Variants in ZNF830 observed in about 807,000 individuals in gnomAD.
ZNF830 encodes coiled-coil domain containing 16.
ZNF830 carries 15 observed loss-of-function variants against 28.1 expected under a neutral mutation model. The ratio of observed to expected loss-of-function variants is 0.53; its 90% CI spans 0.36 to 0.82. ZNF830 has a LOEUF of 0.82. Among genes scored for constraint, ZNF830 ranks in the 40% least tolerant of loss-of-function variants. ZNF830 has a pLI of 0.01. For missense variants in ZNF830, 456 were observed against 467.7 expected (o/e 0.97, Z 0.23); for synonymous variants, 208 against 185.3 (o/e 1.12, Z -0.99).
At position 34,962,284 on chromosome 17, in the gene ZNF830, G is replaced by A. The variant is rs1002989528; in HGVS notation, c.718G>A (p.Glu240Lys). The A allele has an allele frequency of 3.1e-6, 5 of 1,614,036 alleles. No individual in the cohort carries two copies. The highest frequency in any genetic ancestry group is 4.2e-6 in the Non-Finnish European group (5 of 1,180,048). The change falls in exon 1 of 1, where the codon GAA becomes AAA. Residue 240 changes from glutamate to lysine, a missense_variant. Glu to Lys is a moderately conservative substitution (Grantham distance 56, BLOSUM62 1). Around this residue, in one of 2 missense-constraint regions of ZNF830, gnomAD observed 125 missense variants for 177.7 expected, o/e 0.70. Transcript: ENST00000361952. ...EIHEKVVERR[E>K]NTAEALPEGF... ...ACATGAAAAAGTGGTGGAAAGGAGA[G>A]AAAACACCGCGGAAGCGTTACCGGA... is the stretch of plus-strand genomic sequence containing the variant.
rs760986868 is a variant in ZNF830, at chr17:34,962,443, G to T, written c.877G>T (p.Ala293Ser). 1 of 1,614,224 alleles carries T rather than the reference G, an allele frequency of 6.2e-7. No homozygotes were observed. The highest frequency in any genetic ancestry group is 8.5e-7 in the Non-Finnish European group (1 of 1,180,046). The change falls in exon 1 of 1, where the codon GCC (alanine) becomes TCC (serine). Residue 293 changes from alanine (A) to serine (S), a missense_variant. By Grantham distance (99) the Ala-to-Ser change is moderately conservative (BLOSUM62 1). Coordinates refer to ENST00000361952, the MANE Select transcript of ZNF830 (RefSeq NM_052857.4). ...CAACACTATTTCCGAAGCCATAGTT[G>T]CCGAAGAGGATGAGGAGGGACGGTT... ...QVNTISEAIV[A>S]EEDEEGRLDR...
chr17:34,963,693 C>G lies in ZNF830; in HGVS notation c.*1008C>G, dbSNP rs1261246082. Reference sequence around the variant, plus strand: ...ACTCCTTCCTTTAGAGATTGAGGTACTCAAATAGGAAAAGGGAATTAGCAG... The same window carrying G: ...ACTCCTTCCTTTAGAGATTGAGGTAGTCAAATAGGAAAAGGGAATTAGCAG... On this transcript the variant is annotated 3_prime_UTR_variant, in exon 1 of 1. Transcript: ENST00000361952. The G allele has an allele frequency of 6.6e-6, 1 of 152,078 alleles. No homozygotes were observed. The highest frequency in any genetic ancestry group is 2.4e-5 in the African/African-American group (1 of 41,386). 9.4% of individuals were successfully genotyped at this position (152,078 alleles called of 1,614,324 possible).
rs756458801 is a variant in ZNF830, at chr17:34,961,701, C to T, written c.135C>T (p.Tyr45=). ...GGATAGAATCTCCATTCGCGAAGTA[C>T]AACCGTTTGGGGCAGCTGAGTTGTG... ...RKRIESPFAK[Y]NRLGQLSCAL... is the part of the protein sequence containing the mutation. Residue 45 remains tyrosine (Y), a synonymous_variant, in exon 1 of 1, where the codon TAC becomes TAT. Transcript: ENST00000361952. 1.2e-6 allele frequency: 2 copies of T among 1,614,108 alleles called. No individual in the cohort carries two copies. The highest frequency in any genetic ancestry group is 1.3e-5 in the African/African-American group (1 of 74,934).
rs2090433251 is a variant in ZNF830 at position 34,962,602 on chromosome 17, G to A, written c.1036G>A (p.Glu346Lys). The A allele has an allele frequency of 1.2e-6, 2 of 1,613,620 alleles. No individual in the cohort carries two copies. The highest frequency in any genetic ancestry group is 2.7e-5 in the African/African-American group (2 of 74,820). The change falls in exon 1 of 1, where the codon GAA becomes AAA. Residue 346 changes from glutamate to lysine, a missense_variant. Coordinates refer to ENST00000361952, the MANE Select transcript of ZNF830 (RefSeq NM_052857.4). ...LTIKELQKKE[E>K]ENADSDDEGE... Reference sequence around the variant, plus strand: ...CATAAAAGAACTGCAGAAAAAGGAAGAAGAGAATGCTGACAGCGATGATGA... The same window carrying A: ...CATAAAAGAACTGCAGAAAAAGGAAAAAGAGAATGCTGACAGCGATGATGA...
At position 34,961,773 on chromosome 17, in the gene ZNF830, C is replaced by T; in HGVS notation, c.207C>T (p.His69=). 1.2e-6 allele frequency: 2 copies of T among 1,614,060 alleles called. No homozygotes were observed. The highest frequency in any genetic ancestry group is 1.7e-6 in the Non-Finnish European group (2 of 1,180,032). Residue 69 remains histidine (H), a synonymous_variant, in exon 1 of 1, where the codon CAC becomes CAT. Coordinates refer to ENST00000361952, the MANE Select transcript of ZNF830 (RefSeq NM_052857.4). ...PVKSELLWQT[H]VLGKQHREKV... is the part of the protein sequence containing the mutation. ...AGAGCGAGCTCCTGTGGCAGACTCA[C>T]GTCCTGGGAAAGCAGCACCGAGAGA...
In ZNF830 at chr17:34,962,527, C is replaced by T. The variant is rs540863836; in HGVS notation, c.961C>T (p.Leu321=). ...AGAGTGTTACCGACGGGTGGAAAAG[C>T]TACGGAATCGCCAGGATGAAATAAA... ...QIECYRRVEK[L]RNRQDEIKNK... The change falls in exon 1 of 1, where the codon CTA becomes TTA. Residue 321 remains leucine (L), a synonymous_variant. Transcript: ENST00000361952. The T allele has an allele frequency of 5.1e-4, 829 of 1,614,040 alleles. 6 individuals are homozygous for T. In the South Asian group the frequency reaches 8.4e-3, roughly 16 times the overall value.
In ZNF830 at chr17:34,963,069, T is replaced by C. The variant is rs2090437604; in HGVS notation, c.*384T>C. The C allele has an allele frequency of 5.5e-6, 1 of 181,024 alleles. No homozygotes were observed. Among genetic ancestry groups the C allele is most frequent in the South Asian group, 1.7e-4 (1 of 6,010 alleles). 11.2% of individuals were successfully genotyped at this position (181,024 alleles called of 1,614,324 possible). A position where few individuals can be genotyped will look rare whatever the true frequency, so the allele number is the denominator to read the frequency against. On this transcript the variant is annotated 3_prime_UTR_variant, in exon 1 of 1. Coordinates refer to ENST00000361952, the MANE Select transcript of ZNF830 (RefSeq NM_052857.4). ...TCAGATGAATGCTTACTGTGGTATT[T>C]GGAATGTATGTATCTTCTGAACCCT... is the stretch of plus-strand genomic sequence containing the variant.
chr17:34,962,708 T>TAAC lies in ZNF830; in HGVS notation c.*25_*27dup, dbSNP rs759606394. 6.4e-7 allele frequency: 1 copy of TAAC among 1,550,756 alleles called. No homozygotes were observed. Among genetic ancestry groups the TAAC allele is most frequent in the Admixed American group, 2.1e-5 (1 of 47,784 alleles). ...TAGGGTTTTAAAGACCCAAGGTTTC[T>TAAC]AACAGCCTCTGCTGTTGTATAAAAA... On this transcript the variant is annotated 3_prime_UTR_variant, in exon 1 of 1. Transcript: ENST00000361952.
In ZNF830 at chr17:34,963,269, GT is replaced by G. The variant is rs1308484923; in HGVS notation, c.*586del. On this transcript the variant is annotated 3_prime_UTR_variant, in exon 1 of 1. Transcript: ENST00000361952. ...ACCAAACCAATGATGGTCAGATGTG[GT>G]TGCACATGAGAGTCACCTATGAAGC... 1 of 158,816 alleles carries G rather than the reference GT, an allele frequency of 6.3e-6. No homozygotes were observed. Among genetic ancestry groups the G allele is most frequent in the East Asian group, 1.9e-4 (1 of 5,214 alleles). 9.8% of individuals were successfully genotyped at this position (158,816 alleles called of 1,614,324 possible). A position where few individuals can be genotyped will look rare whatever the true frequency, so the allele number is the denominator to read the frequency against.
rs778726759 is a variant in ZNF830, at chr17:34,962,576, C to A, written c.1010C>A (p.Thr337Asn). The A allele has an allele frequency of 6.2e-7, 1 of 1,613,766 alleles. No homozygotes were observed. The highest frequency in any genetic ancestry group is 1.7e-5 in the Admixed American group (1 of 59,942). Residue 337 changes from threonine (T) to asparagine (N), a missense_variant, in exon 1 of 1, where the codon ACC becomes AAC. Transcript: ENST00000361952. ...EIKNKLKEILTIKELQKKEEE... is the reference protein window; with the variant it reads ...EIKNKLKEILNIKELQKKEEE... ...AAAAATAAACTTAAAGAAATCCTGA[C>A]CATAAAAGAACTGCAGAAAAAGGAA...
rs932468622 is a variant in ZNF830, at chr17:34,962,107, A to G, written c.541A>G (p.Ser181Gly). 4 of 1,614,036 alleles carry G rather than the reference A, an allele frequency of 2.5e-6. No homozygotes were observed. Among genetic ancestry groups the G allele is most frequent in the Non-Finnish European group, 3.4e-6 (4 of 1,180,022 alleles). ...TGGAGAAAGAAAAAGGGGGGACGCC[A>G]GCAAGCCGCTCTCCGACGCACAGGG... Reference protein sequence around the residue: ...GDGERKRGDASKPLSDAQGKE... With the variant: ...GDGERKRGDAGKPLSDAQGKE... The change falls in exon 1 of 1, where the codon AGC (serine) becomes GGC (glycine). Residue 181 changes from serine to glycine, a missense_variant. By Grantham distance (56) the Ser-to-Gly change is moderately conservative. Around this residue, in one of 2 missense-constraint regions of ZNF830, gnomAD observed 331 missense variants for 290.1 expected, o/e 1.14. Coordinates refer to ENST00000361952, the MANE Select transcript of ZNF830 (RefSeq NM_052857.4).
In ZNF830 at chr17:34,962,631, G is replaced by A. The variant is rs2090433550; in HGVS notation, c.1065G>A (p.Gly355=). ...EEENADSDDE[G]ELQDLLSQDW... ...AGAATGCTGACAGCGATGATGAGGGGGAACTACAGGATTTGTTGTCTCAGG... is the reference window on the plus strand; with the variant it reads ...AGAATGCTGACAGCGATGATGAGGGAGAACTACAGGATTTGTTGTCTCAGG... The change falls in exon 1 of 1, where the codon GGG becomes GGA. Residue 355 remains glycine, a synonymous_variant. Transcript: ENST00000361952. 3 of 1,612,186 alleles carry A rather than the reference G, an allele frequency of 1.9e-6. No individual in the cohort carries two copies. The South Asian group carries it at 3.3e-5, about 18-fold the overall frequency.
chr17:34,961,795 G>C lies in ZNF830; in HGVS notation c.229G>C (p.Glu77Gln), dbSNP rs763847824. 1 of 1,614,012 alleles carries C rather than the reference G, an allele frequency of 6.2e-7. No homozygotes were observed. The highest frequency in any genetic ancestry group is 1.3e-5 in the African/African-American group (1 of 75,028). ...TCACGTCCTGGGAAAGCAGCACCGA[G>C]AGAAAGTGGCCGAGCTGAAAGGCGC... ...QTHVLGKQHR[E>Q]KVAELKGAKE... The change falls in exon 1 of 1, where the codon GAG (glutamate) becomes CAG (glutamine). Residue 77 changes from glutamate to glutamine, a missense_variant. By Grantham distance (29) the Glu-to-Gln change is conservative (BLOSUM62 2). Around this residue, in one of 2 missense-constraint regions of ZNF830, gnomAD observed 331 missense variants for 290.1 expected, o/e 1.14. Coordinates refer to ENST00000361952, the MANE Select transcript of ZNF830 (RefSeq NM_052857.4).
Position 34,962,167 on chromosome 17 carries a change from A to AGAG in ZNF830, c.601_602insGAG (p.Thr201delinsArgAla). The AGAG allele has an allele frequency of 6.2e-7, 1 of 1,614,156 alleles. No individual in the cohort carries two copies. Among genetic ancestry groups the AGAG allele is most frequent in the Non-Finnish European group, 8.5e-7 (1 of 1,180,038 alleles). On this transcript the variant is annotated protein_altering_variant, in exon 1 of 1. Coordinates refer to ENST00000361952, the MANE Select transcript of ZNF830 (RefSeq NM_052857.4). ...CTCAGTTTCCTCTTCACGGGAGGTAACAAGTAGTGTGCTGCCAAACGATTT... is the reference window on the plus strand; with the variant it reads ...CTCAGTTTCCTCTTCACGGGAGGTAAGAGCAAGTAGTGTGCTGCCAAACGATTT...
At position 34,962,300 on chromosome 17, in the gene ZNF830, C is replaced by G. The variant is rs868481545; in HGVS notation, c.734C>G (p.Ala245Gly). The G allele has an allele frequency of 1.9e-6, 3 of 1,613,830 alleles. No individual in the cohort carries two copies. The African/African-American group carries it at 4.0e-5, about 22-fold the overall frequency. ...GAAAGGAGAGAAAACACCGCGGAAG[C>G]GTTACCGGAAGGTTTTTTTGACGAC... ...VVERRENTAE[A>G]LPEGFFDDPE... Residue 245 changes from alanine (A) to glycine (G), a missense_variant, in exon 1 of 1, where the codon GCG (alanine) becomes GGG (glycine). By Grantham distance (60) the Ala-to-Gly change is moderately conservative (BLOSUM62 0). This residue lies in a region of ZNF830 where 125 missense variants were observed against 177.7 expected (regional missense o/e 0.70). Transcript: ENST00000361952.
Position 34,962,000 on chromosome 17 carries a change from C to T in ZNF830, c.434C>T (p.Ala145Val), listed in dbSNP as rs778658379. Residue 145 changes from alanine (A) to valine (V), a missense_variant, in exon 1 of 1, where the codon GCG (alanine) becomes GTG (valine). Transcript: ENST00000361952. Reference sequence around the variant, plus strand: ...AAAATAGGAAAGGAGTTCATTAGAGCGACTCCCAGTAAGCCTTCAGGACTC... The same window carrying T: ...AAAATAGGAAAGGAGTTCATTAGAGTGACTCCCAGTAAGCCTTCAGGACTC... Reference protein sequence around the residue: ...FDKIGKEFIRATPSKPSGLSL... With the variant: ...FDKIGKEFIRVTPSKPSGLSL... The T allele has an allele frequency of 1.2e-6, 2 of 1,614,032 alleles. No homozygotes were observed. Among genetic ancestry groups the T allele is most frequent in the Non-Finnish European group, 1.7e-6 (2 of 1,180,024 alleles).
In ZNF830 at chr17:34,961,593, T is replaced by A; in HGVS notation, c.27T>A (p.Thr9=). 6.2e-7 allele frequency: 1 copy of A among 1,613,992 alleles called. No individual in the cohort carries two copies. The highest frequency in any genetic ancestry group is 8.5e-7 in the Non-Finnish European group (1 of 1,179,918). The change falls in exon 1 of 1, where the codon ACT becomes ACA. Residue 9 remains threonine, a synonymous_variant. Transcript: ENST00000361952. ...TGGCGTCCTCCGCCTCCGCCCGGACTCCGGCAGGGAAGCGAGTGATAAATC... is the reference window on the plus strand; with the variant it reads ...TGGCGTCCTCCGCCTCCGCCCGGACACCGGCAGGGAAGCGAGTGATAAATC... MASSASAR[T]PAGKRVINQE...
Position 34,961,592 on chromosome 17 carries a change from C to G in ZNF830, c.26C>G (p.Thr9Ser), listed in dbSNP as rs150545286. The G allele has an allele frequency of 5.6e-5, 91 of 1,614,020 alleles. 1 individual carries two copies. The Admixed American group carries it at 1.2e-3, about 21-fold the overall frequency. MASSASAR[T>S]PAGKRVINQE... ...ATGGCGTCCTCCGCCTCCGCCCGGA[C>G]TCCGGCAGGGAAGCGAGTGATAAAT... The change falls in exon 1 of 1, where the codon ACT (threonine) becomes AGT (serine). Residue 9 changes from threonine to serine, a missense_variant. Thr to Ser is a moderately conservative substitution (Grantham distance 58, BLOSUM62 1). Coordinates refer to ENST00000361952, the MANE Select transcript of ZNF830 (RefSeq NM_052857.4).
At position 34,961,737 on chromosome 17, in the gene ZNF830, C is replaced by T; in HGVS notation, c.171C>T (p.Asn57=). The T allele has an allele frequency of 2.5e-6, 4 of 1,614,192 alleles. No individual in the cohort carries two copies. The highest frequency in any genetic ancestry group is 3.4e-6 in the Non-Finnish European group (4 of 1,180,038). The change falls in exon 1 of 1, where the codon AAC becomes AAT. Residue 57 remains asparagine, a synonymous_variant. Transcript: ENST00000361952. ...RLGQLSCALC[N]TPVKSELLWQ... ...GGCAGCTGAGTTGTGCCCTGTGTAACACTCCGGTTAAGAGCGAGCTCCTGT... is the reference window on the plus strand; with the variant it reads ...GGCAGCTGAGTTGTGCCCTGTGTAATACTCCGGTTAAGAGCGAGCTCCTGT...
Sources: gnomAD v4.1 joint callset for allele counts on GRCh38, gnomAD v4.1.1 for gene constraint, gnomAD v4.1.1 regional missense constraint, MANE v1.5 for transcripts, NCBI Gene and HGNC (gene_info 2026-07-23, HGNC 2026-07-21) for gene names.